Variants in IMMP2L observed in about 807,000 individuals in gnomAD.
IMMP2L encodes the protein inner mitochondrial membrane peptidase subunit 2, also known as mitochondrial inner membrane protease subunit 2.
In IMMP2L, 18 loss-of-function variants were observed where a neutral mutation model predicts 19.3. The observed-to-expected ratio is 0.93, with a 90% CI of 0.64 to 1.38. IMMP2L has a LOEUF of 1.38. IMMP2L is among the 40% of genes most tolerant of loss of function. IMMP2L has a pLI of 0.00. For missense variants in IMMP2L, 233 were observed against 218.2 expected (o/e 1.07, Z -0.43); for synonymous variants, 76 against 73.0 (o/e 1.04, Z -0.21).
intron 3 of IMMP2L, among the ~76,000 whole-genome samples, chr7:111,258,856 T>C (rs1817006048): frequency 1.3e-5 from 2 of 152,202 alleles, no homozygotes; most frequent in Admixed American, 1.3e-4. Context: ...TTTTCAGTAC[T>C]TATACTTAAG....
intron 3 of IMMP2L, among the ~76,000 whole-genome samples, chr7:110,996,360 G>T (rs1295012026): frequency 1.3e-5 from 2 of 152,056 alleles, no homozygotes; most frequent in African/African-American, 2.4e-5. Flanking sequence ...CAACTGTGGC[G>T]GGAGCAGAGA....
At chr7:111,253,874 G>A (rs948928872) in intron 3 of IMMP2L, among the ~76,000 whole-genome samples, 14 of 152,130 alleles carry the variant, frequency 9.2e-5, no homozygotes, top group Admixed American at 4.6e-4. Flanking sequence ...TGAGGCCAGC[G>A]TGGCATGATC....
At chr7:111,066,052 C>T (rs901791525) in intron 3 of IMMP2L, among the ~76,000 whole-genome samples, 7 of 148,258 alleles carry the variant, frequency 4.7e-5, no homozygotes, top group Admixed American at 1.4e-4. Context: ...AATCTTGACT[C>T]ACTGCAACCT....
At chr7:111,263,068 T>C (rs1341808809) in intron 3 of IMMP2L, among the ~76,000 whole-genome samples, 6 of 152,060 alleles carry the variant, frequency 3.9e-5, no homozygotes, top group South Asian at 2.1e-4. Flanking sequence ...AGTCAGATAA[T>C]ATAGTCCCCT....
intron 3 of IMMP2L, among the ~76,000 whole-genome samples, chr7:111,153,688 G>GA (rs763757255): frequency 6.6e-6 from 1 of 151,734 alleles, no homozygotes; most frequent in East Asian, 1.9e-4. Context: ...TACAACACAG[G>GA]AAAAAAGGTA....
chr7:110,740,925 TAA>T (rs60479900), intron 5 of IMMP2L, among the ~76,000 whole-genome samples: 98 of 144,406 alleles, frequency 6.8e-4, no homozygotes, highest in Middle Eastern at 7.1e-3. Context: ...TACTGTATAT[TAA>T]AAAAAAAAAA....
intron 5 of IMMP2L, among the ~76,000 whole-genome samples, chr7:110,679,800 G>T (rs189422221): frequency 6.6e-6 from 1 of 152,250 alleles, no homozygotes; most frequent in Admixed American, 6.5e-5. Context: ...TAAACAACCA[G>T]AAATGAAAGA....
chr7:111,419,088 T>C (rs1481256440), intron 3 of IMMP2L, among the ~76,000 whole-genome samples: 3 of 151,848 alleles, frequency 2.0e-5, no homozygotes, highest in Admixed American at 6.6e-5. Flanking sequence ...TTCACATAAA[T>C]GGTTAAAGCT....
intron 3 of IMMP2L, among the ~76,000 whole-genome samples, chr7:111,387,199 A>T (rs1831848915): frequency 1.3e-5 from 2 of 152,170 alleles, no homozygotes; most frequent in Non-Finnish European, 2.9e-5. Flanking sequence ...TTTGTGACAT[A>T]AAGTGCAGAG....
At chr7:111,448,736 CA>C (rs1288435460) in intron 3 of IMMP2L, among the ~76,000 whole-genome samples, 9 of 109,818 alleles carry the variant, frequency 8.2e-5, no homozygotes, top group Non-Finnish European at 1.5e-4. Context: ...AATAGAGACA[CA>C]AAAAACCCTT....
intron 3 of IMMP2L, among the ~76,000 whole-genome samples, chr7:111,296,143 G>A (rs1821613425): frequency 6.6e-6 from 1 of 151,752 alleles, no homozygotes; most frequent in African/African-American, 2.4e-5. Flanking sequence ...TATCTGACAA[G>A]GGAGTAATAT....
At chr7:111,154,581 TAAC>T (rs1436648398) in intron 3 of IMMP2L, among the ~76,000 whole-genome samples, 1 of 152,160 alleles carries the variant, frequency 6.6e-6, no homozygotes, top group Non-Finnish European at 1.5e-5. Context: ...CTGGTTAAAC[TAAC>T]TACAAGAAGG....
intron 3 of IMMP2L, among the ~76,000 whole-genome samples, chr7:111,381,128 GA>G (rs1166925385): frequency 1.3e-5 from 2 of 151,916 alleles, no homozygotes; most frequent in African/African-American, 4.8e-5. Context: ...ATATTTCTAG[GA>G]AGTACATTAG....
chr7:111,394,498 C>T (rs1832683717), intron 3 of IMMP2L, among the ~76,000 whole-genome samples: 1 of 151,966 alleles, frequency 6.6e-6, no homozygotes, highest in Non-Finnish European at 1.5e-5. Context: ...GTTTTCTATC[C>T]TAATTTTCTA....
intron 3 of IMMP2L, among the ~76,000 whole-genome samples, chr7:111,301,482 T>C (rs916623425): frequency 6.6e-6 from 1 of 152,060 alleles, no homozygotes; most frequent in Non-Finnish European, 1.5e-5. Flanking sequence ...TTATCAATCT[T>C]TCCTTCTATG....
At chr7:110,787,973 T>A (rs978250206) in intron 5 of IMMP2L, among the ~76,000 whole-genome samples, 1 of 151,938 alleles carries the variant, frequency 6.6e-6, no homozygotes, top group African/African-American at 2.4e-5. Flanking sequence ...CCAGCATACA[T>A]CATTTACACT....
intron 4 of IMMP2L, among the ~76,000 whole-genome samples, chr7:110,960,777 T>C (rs1249123392): frequency 6.6e-6 from 1 of 151,936 alleles, no homozygotes; most frequent in Non-Finnish European, 1.5e-5. Flanking sequence ...CATAGCATTA[T>C]ATATCCTCCC....
At chr7:111,063,147 TA>T in intron 3 of IMMP2L, among the ~76,000 whole-genome samples, 1 of 152,332 alleles carries the variant, frequency 6.6e-6, no homozygotes, top group African/African-American at 2.4e-5. Flanking sequence ...GGCATTTCCA[TA>T]AATCCTCTGA....
At chr7:111,171,141 T>C (rs1334008789) in intron 3 of IMMP2L, among the ~76,000 whole-genome samples, 1 of 142,604 alleles carries the variant, frequency 7.0e-6, no homozygotes, top group Non-Finnish European at 1.5e-5. Flanking sequence ...AATCAGCTTT[T>C]CTTCATGAGC....
Sources: gnomAD v4.1 joint callset for allele counts (sites outside exome capture counted in the v4.1 genomes callset) on GRCh38, gnomAD v4.1.1 for gene constraint, MANE v1.5 for transcripts, NCBI Gene and HGNC (gene_info 2026-07-23, HGNC 2026-07-21) for gene names.